COX10: variants seen among roughly 807,000 people sequenced by gnomAD.
The protein encoded by COX10 is cytochrome c oxidase assembly factor heme A:farnesyltransferase COX10.
A neutral mutation model predicts 37.3 loss-of-function variants in COX10; 27 were observed. The observed-to-expected ratio is 0.72, with a 90% confidence interval of 0.53 to 1.00. The LOEUF is 1.00. Among genes scored for constraint, COX10 ranks in the 50% least tolerant of loss-of-function variants. COX10 has a pLI of 0.00. For missense variants in COX10, 475 were observed against 563.2 expected (o/e 0.84, Z 1.59); for synonymous variants, 222 against 229.1 (o/e 0.97, Z 0.28).
chr17:14,179,683 A>G (rs62055998), intron 5 of COX10, among the ~76,000 whole-genome samples: 20,249 of 152,120 alleles, frequency 0.13, 1,680 homozygotes, highest in Non-Finnish European at 0.19. Flanking sequence ...TTGTTATTTC[A>G]GAGACATCTG....
rs930828580 is a variant in COX10, at chr17:14,173,756, G to A, written c.695+13809G>A. On this transcript the variant is annotated intron_variant, in intron 5 of 6. Transcript: ENST00000261643. ...AAAGAAAAGGCACATACATTGGAAAGAAATGAAATTCTTTTCACAATGTCA... is the reference window on the plus strand; with the variant it reads ...AAAGAAAAGGCACATACATTGGAAAAAAATGAAATTCTTTTCACAATGTCA... Among the ~76,000 whole-genome samples the A allele has an allele frequency of 5.7e-4, 87 of 152,318 alleles. 1 individual carries two copies. The highest frequency in any genetic ancestry group is 6.2e-4 in the Non-Finnish European group (42 of 68,030).
At chr17:14,099,147 A>G (rs966787470) in intron 3 of COX10, among the ~76,000 whole-genome samples, 33 of 151,982 alleles carry the variant, frequency 2.2e-4, no homozygotes, top group African/African-American at 7.7e-4. Flanking sequence ...CTCTCTACTT[A>G]TATCTGTGCA....
chr17:14,148,387 G>A (rs1904792752), intron 4 of COX10, among the ~76,000 whole-genome samples: 2 of 152,180 alleles, frequency 1.3e-5, no homozygotes, highest in South Asian at 2.1e-4. Flanking sequence ...ATGGCACATG[G>A]AATCCTGCTG....
intron 3 of COX10, among the ~76,000 whole-genome samples, chr17:14,078,723 C>G (rs1915213921): frequency 6.6e-6 from 1 of 152,166 alleles, no homozygotes. Flanking sequence ...CTAACTTACC[C>G]AAAATATTGC....
At chr17:14,202,062 G>T (rs144580537) in intron 6 of COX10, among the ~76,000 whole-genome samples, 207 of 148,068 alleles carry the variant, frequency 1.4e-3, no homozygotes, top group African/African-American at 4.9e-3. Flanking sequence ...CCTTCTAGTT[G>T]ATAGTTTTGT....
chr17:14,078,159 A>T (rs957896392), intron 3 of COX10, among the ~76,000 whole-genome samples: 2 of 152,168 alleles, frequency 1.3e-5, no homozygotes, highest in Non-Finnish European at 2.9e-5. Context: ...AACATGTCTC[A>T]GTGGTTTATG....
intron 3 of COX10, among the ~76,000 whole-genome samples, chr17:14,090,765 A>G (rs748349177): frequency 6.6e-6 from 1 of 152,162 alleles, no homozygotes; most frequent in East Asian, 1.9e-4. Flanking sequence ...AGGTCCTTCT[A>G]TGTTCAGAGT....
chr17:14,077,491 CTG>C (rs1328624049), intron 3 of COX10, among the ~76,000 whole-genome samples: 2 of 152,162 alleles, frequency 1.3e-5, no homozygotes, highest in African/African-American at 2.4e-5. Context: ...TGTAGAGCCT[CTG>C]GGGTTGTCAC....
chr17:14,156,635 C>T (rs1452872598), intron 4 of COX10, among the ~76,000 whole-genome samples: 7 of 152,166 alleles, frequency 4.6e-5, no homozygotes, highest in Non-Finnish European at 1.0e-4. Flanking sequence ...AAAGTTCTGC[C>T]TCCTACGCAT....
Position 14,194,891 on chromosome 17 carries a change from A to G in COX10, c.928+2670A>G, listed in dbSNP as rs533406782. On this transcript the variant is annotated intron_variant, in intron 6 of 6. Transcript: ENST00000261643. ...AAAATGAGACCCCTTTTCTACCCCA[A>G]CAGAACCTGGTATAAAACAGAGCAG... Among the ~76,000 whole-genome samples, 11 of 152,312 alleles carry G rather than the reference A, an allele frequency of 7.2e-5. No homozygotes were observed. The East Asian group carries it at 7.7e-4, about 11-fold the overall frequency.
At chr17:14,151,447 A>G (rs1483755606) in intron 4 of COX10, among the ~76,000 whole-genome samples, 1 of 151,940 alleles carries the variant, frequency 6.6e-6, no homozygotes, top group Non-Finnish European at 1.5e-5. Context: ...CTATTCTTCC[A>G]TGGATGATGT....
intron 3 of COX10, among the ~76,000 whole-genome samples, chr17:14,101,811 A>T (rs1915788811): frequency 6.6e-6 from 1 of 152,222 alleles, no homozygotes; most frequent in Admixed American, 6.5e-5. Flanking sequence ...CGTACTGATT[A>T]CAAATTTGGT....
In COX10 at chr17:14,208,535, C is replaced by T. The variant is rs1378629094; in HGVS notation, c.*1322C>T. The T allele has an allele frequency of 6.6e-6, 1 of 152,210 alleles. No homozygotes were observed. Among genetic ancestry groups the T allele is most frequent in the Non-Finnish European group, 1.5e-5 (1 of 68,040 alleles). The allele number at this position is 152,210 out of a possible 1,614,324, so 9.4% of individuals were successfully genotyped here. A position where few individuals can be genotyped will look rare whatever the true frequency, so the allele number is the denominator to read the frequency against. On this transcript the variant is annotated 3_prime_UTR_variant, in exon 7 of 7. Transcript: ENST00000261643. ...ACTGTTTGCACTTATCTGAAATCTT[C>T]CCTCTTGGCTGCCCCCAGGTATTTA... is the stretch of plus-strand genomic sequence containing the variant.
At chr17:14,111,138 C>T (rs920293495) in intron 4 of COX10, among the ~76,000 whole-genome samples, 1 of 152,050 alleles carries the variant, frequency 6.6e-6, no homozygotes, top group Admixed American at 6.6e-5. Context: ...AGCTATTAGA[C>T]CTTTAAAATT....
intron 4 of COX10, among the ~76,000 whole-genome samples, chr17:14,157,123 C>G (rs1297161387): frequency 6.6e-6 from 1 of 152,220 alleles, no homozygotes; most frequent in African/African-American, 2.4e-5. Flanking sequence ...TTTTAACTTA[C>G]TTTCCCAATT....
chr17:14,104,027 C>T (rs1400493827), intron 4 of COX10, among the ~76,000 whole-genome samples: 2 of 152,120 alleles, frequency 1.3e-5, no homozygotes, highest in Non-Finnish European at 2.9e-5. Flanking sequence ...CCTGATCTTC[C>T]GCTGGAACTC....
intron 4 of COX10, among the ~76,000 whole-genome samples, chr17:14,134,736 A>G (rs186751219): frequency 6.6e-6 from 1 of 151,506 alleles, no homozygotes; most frequent in East Asian, 1.9e-4. Context: ...TTAAGGTAGT[A>G]GTTTTTTGAC....
chr17:14,186,864 T>C (rs1457611853), intron 5 of COX10, among the ~76,000 whole-genome samples: 1 of 152,104 alleles, frequency 6.6e-6, no homozygotes, highest in East Asian at 1.9e-4. Flanking sequence ...GTTAAACTGA[T>C]GAGCCAACAA....
At chr17:14,102,301 T>C in intron 4 of COX10, 59 bp downstream of exon 4, 2 of 1,603,484 alleles carry the variant, frequency 1.2e-6, no homozygotes, top group Non-Finnish European at 8.5e-7. Context: ...GATGGCTGTA[T>C]TGTCATATTT....
Sources: allele counts gnomAD v4.1 joint callset (sites outside exome capture counted in the v4.1 genomes callset), GRCh38; gene constraint gnomAD v4.1.1; transcripts MANE v1.5; gene names NCBI Gene and HGNC (gene_info 2026-07-23, HGNC 2026-07-21).